The following FGD4 variants were observed in gnomAD, a reference collection of about 807,000 sequenced individuals.
FGD4 encodes the protein FYVE, RhoGEF and PH domain containing 4, also known as FYVE, RhoGEF and PH domain-containing protein 4.
A neutral mutation model predicts 102.0 loss-of-function variants in FGD4; 42 were observed. The observed-to-expected ratio is 0.41, with a 90% CI of 0.32 to 0.53. The LOEUF is 0.53. FGD4 is among the 20% of genes least tolerant of loss of function. FGD4 has a pLI of 0.21. For missense variants in FGD4, 902 were observed against 1,078.2 expected (o/e 0.84, Z 2.29); for synonymous variants, 380 against 375.7 (o/e 1.01, Z -0.13).
rs1434088682 is a variant in FGD4, at chr12:32,584,816, A to T, written c.1011+2349A>T. On this transcript the variant is annotated intron_variant, in intron 4 of 16. Coordinates refer to ENST00000534526, the MANE Select transcript of FGD4 (RefSeq NM_001370298.3). ...TTAATCTTCCTGGAAGTGGAAATAG[A>T]TACTTACTTCAGAATAGTCTTAAAT... Among the ~76,000 whole-genome samples the T allele has an allele frequency of 2.6e-5, 4 of 152,168 alleles. No individual in the cohort carries two copies. In the East Asian group the frequency reaches 7.7e-4, roughly 29 times the overall value.
At chr12:32,592,018 A>T (rs1288208692) in intron 4 of FGD4, among the ~76,000 whole-genome samples, 4 of 152,210 alleles carry the variant, frequency 2.6e-5, no homozygotes, top group African/African-American at 9.6e-5. Context: ...TACTCTGGGA[A>T]TCACCTTTCA....
At chr12:32,497,794 G>A (rs899517285) in intron 1 of FGD4, among the ~76,000 whole-genome samples, 1 of 152,140 alleles carries the variant, frequency 6.6e-6, no homozygotes, top group African/African-American at 2.4e-5. Flanking sequence ...CCTCCTGCTC[G>A]AGCCTTTCAG....
At chr12:32,425,137 G>A (rs1463724649) in intron 1 of FGD4, among the ~76,000 whole-genome samples, 1 of 152,156 alleles carries the variant, frequency 6.6e-6, no homozygotes, top group East Asian at 1.9e-4. Flanking sequence ...TAGTCATAAA[G>A]TCTTTGCCCA....
chr12:32,441,572 G>A (rs1942436065), intron 1 of FGD4, among the ~76,000 whole-genome samples: 1 of 151,626 alleles, frequency 6.6e-6, no homozygotes. Flanking sequence ...TCCTCCTCAA[G>A]CAGAAGAAAG....
At position 32,642,437 on chromosome 12, in the gene FGD4, G is replaced by T. The variant is rs1323435461; in HGVS notation, c.*1904G>T. The T allele has an allele frequency of 6.6e-6, 1 of 152,050 alleles. No homozygotes were observed. The highest frequency in any genetic ancestry group is 2.4e-5 in the African/African-American group (1 of 41,430). The allele number at this position is 152,050 out of a possible 1,614,324, so 9.4% of individuals were successfully genotyped here. On this transcript the variant is annotated 3_prime_UTR_variant, in exon 17 of 17. Transcript: ENST00000534526. ...TGATTAACTGGGGAAGAGGACTTTT[G>T]TAAGTGTGACTAGAACAATGGTAAT...
intron 1 of FGD4, among the ~76,000 whole-genome samples, chr12:32,463,645 G>A (rs1943171057): frequency 6.6e-6 from 1 of 152,122 alleles, no homozygotes; most frequent in Admixed American, 6.5e-5. Context: ...TTTTGTTCTT[G>A]GAAGCCTGTG....
intron 1 of FGD4, among the ~76,000 whole-genome samples, chr12:32,425,168 T>C (rs1339522331): frequency 6.6e-6 from 1 of 152,210 alleles, no homozygotes. Flanking sequence ...CTGAATGGTA[T>C]TGCTTAGGTT....
At chr12:32,528,195 C>T (rs575472954) in intron 1 of FGD4, among the ~76,000 whole-genome samples, 1 of 152,212 alleles carries the variant, frequency 6.6e-6, no homozygotes, top group African/African-American at 2.4e-5. Context: ...CTTCAGCCTC[C>T]CAGAGTGCTG....
chr12:32,579,660 C>CA (rs1304535616), intron 3 of FGD4: 2 of 152,324 alleles, frequency 1.3e-5, no homozygotes, highest in East Asian at 3.9e-4. Flanking sequence ...AGAAGGAGGA[C>CA]AGTTTGATTC....
At chr12:32,564,042 AGGGAGAGGGAGT>A (rs1944967974) in intron 1 of FGD4, 83 bp from the exon 2 acceptor site, 16 of 1,024,632 alleles carry the variant, frequency 1.6e-5, no homozygotes, top group East Asian at 3.1e-5. Flanking sequence ...GGGGAGGGGG[AGGGAGAGGGAGT>A]GGGAGAGGGG....
intron 1 of FGD4, among the ~76,000 whole-genome samples, chr12:32,559,090 G>A (rs1944335768): frequency 6.6e-6 from 1 of 152,220 alleles, no homozygotes; most frequent in African/African-American, 2.4e-5. Context: ...AACCTCTAGA[G>A]TTAATGTAAA....
intron 14 of FGD4, among the ~76,000 whole-genome samples, 170 bp from the exon 15 acceptor site, chr12:32,633,379 G>A (rs949463232): frequency 6.6e-6 from 1 of 152,098 alleles, no homozygotes; most frequent in African/African-American, 2.4e-5. Context: ...TCACAAACAG[G>A]GTTGAAACAC....
chr12:32,431,892 TATG>T (rs1942058063), intron 1 of FGD4, among the ~76,000 whole-genome samples: 1 of 152,162 alleles, frequency 6.6e-6, no homozygotes, highest in Admixed American at 6.6e-5. Flanking sequence ...GTGTGACTAA[TATG>T]AAGTTTCAGA....
At chr12:32,502,464 C>T in intron 1 of FGD4, 2 of 442,776 alleles carry the variant, frequency 4.5e-6, no homozygotes, top group Non-Finnish European at 6.0e-6. Flanking sequence ...ATACACTTCT[C>T]TTGTATTGAT....
At chr12:32,499,499 G>C (rs553211986) in intron 1 of FGD4, among the ~76,000 whole-genome samples, 1 of 152,066 alleles carries the variant, frequency 6.6e-6, no homozygotes, top group Non-Finnish European at 1.5e-5. Flanking sequence ...AAAACTGTGA[G>C]CCAATTCTTT....
chr12:32,512,782 C>T (rs951163698), intron 1 of FGD4, among the ~76,000 whole-genome samples: 2 of 152,126 alleles, frequency 1.3e-5, no homozygotes, highest in Non-Finnish European at 2.9e-5. Flanking sequence ...AAGTGAAGAG[C>T]CTGTATTCTC....
intron 4 of FGD4, among the ~76,000 whole-genome samples, chr12:32,591,747 G>T (rs1217692157): frequency 1.3e-5 from 2 of 152,210 alleles, no homozygotes; most frequent in African/African-American, 2.4e-5. Flanking sequence ...ACCTGAAAAT[G>T]AGGAGGCAGG....
intron 1 of FGD4, among the ~76,000 whole-genome samples, chr12:32,443,025 T>G (rs1942496597): frequency 6.6e-6 from 1 of 152,236 alleles, no homozygotes; most frequent in African/African-American, 2.4e-5. Flanking sequence ...TTAATTTGGT[T>G]GTTTTCTTGC....
intron 1 of FGD4, among the ~76,000 whole-genome samples, chr12:32,554,614 T>C (rs1023365784): frequency 6.6e-6 from 1 of 152,196 alleles, no homozygotes; most frequent in South Asian, 2.1e-4. Flanking sequence ...GTAAATAATG[T>C]AGTTTGTTAG....
Sources: gnomAD v4.1 joint callset for allele counts (sites outside exome capture counted in the v4.1 genomes callset) on GRCh38, gnomAD v4.1.1 for gene constraint, MANE v1.5 for transcripts, NCBI Gene and HGNC (gene_info 2026-07-23, HGNC 2026-07-21) for gene names.